SLC26A5: variants seen among roughly 807,000 people sequenced by gnomAD.
The protein encoded by SLC26A5 is prestin.
Under a neutral mutation model 81.0 loss-of-function variants are expected in SLC26A5, and 51 were observed. The observed-to-expected ratio is 0.63, with a 90% CI of 0.50 to 0.80. The LOEUF is 0.80. SLC26A5 is among the 30% of genes least tolerant of loss of function. SLC26A5 has a pLI of 0.00. For synonymous variants in SLC26A5, 325 were observed against 332.8 expected, an observed-to-expected ratio of 0.98 and a Z score of 0.25; for missense variants, 771 against 905.8, an observed-to-expected ratio of 0.85 and a Z score of 1.91.
chr7:103,407,372 A>G (rs1219524662), intron 8 of SLC26A5, among the ~76,000 whole-genome samples: 1 of 152,228 alleles, frequency 6.6e-6, no homozygotes, highest in East Asian at 1.9e-4. Context: ...TTTATAAACA[A>G]CTACGAAGTT....
At chr7:103,404,125 G>A (rs964677591) in intron 8 of SLC26A5, among the ~76,000 whole-genome samples, 1 of 152,108 alleles carries the variant, frequency 6.6e-6, no homozygotes, top group Admixed American at 6.5e-5. Flanking sequence ...GGAAGTTGCA[G>A]TGAACCGAGA....
chr7:103,433,993 G>A (rs1196310355), intron 2 of SLC26A5, among the ~76,000 whole-genome samples: 4 of 151,994 alleles, frequency 2.6e-5, no homozygotes, highest in Admixed American at 1.3e-4. Context: ...GAGCCACTGC[G>A]CCTGGCCTGT....
At chr7:103,425,496 C>T (rs1205950684) in intron 2 of SLC26A5, among the ~76,000 whole-genome samples, 3 of 151,872 alleles carry the variant, frequency 2.0e-5, no homozygotes, top group Admixed American at 2.0e-4. Flanking sequence ...ATGAAAAATA[C>T]ATAAGAAAAA....
At chr7:103,393,172 A>G (rs1822812603) in intron 9 of SLC26A5, 106 bp from the exon 10 acceptor site, 1 of 1,341,532 alleles carries the variant, frequency 7.5e-7, no homozygotes, top group East Asian at 2.5e-5. Flanking sequence ...CTGCAAATGA[A>G]GTAATCAATG....
chr7:103,369,331 G>C (rs1488063808), downstream of SLC26A5: 1 of 151,822 alleles, frequency 6.6e-6, no homozygotes, highest in Non-Finnish European at 1.5e-5. Context: ...ATATACTTAA[G>C]AAAATGACTG....
chr7:103,377,342 A>G (rs1821426927), intron 18 of SLC26A5, among the ~76,000 whole-genome samples: 1 of 152,198 alleles, frequency 6.6e-6, no homozygotes, highest in Admixed American at 6.5e-5. Flanking sequence ...TGTGTTTCAA[A>G]ATAAAACAAG....
At position 103,397,824 on chromosome 7, in the gene SLC26A5, G is replaced by A. The variant is rs576394013; in HGVS notation, c.971+108C>T. ...CCCCTAAAGCCCTCAGCTATTTGAT[G>A]TATAGAAAAAAGATTATTTTTCATT... On this transcript the variant is annotated intron_variant, in intron 9 of 19. Transcript: ENST00000306312. The A allele has an allele frequency of 6.4e-5, 53 of 833,182 alleles. No individual in the cohort carries two copies. In the African/African-American group the frequency reaches 6.7e-4, roughly 11 times the overall value. 51.6% of individuals were successfully genotyped at this position (833,182 alleles called of 1,614,324 possible).
chr7:103,410,046 T>C (rs1317771797), intron 7 of SLC26A5, among the ~76,000 whole-genome samples: 1 of 152,194 alleles, frequency 6.6e-6, no homozygotes, highest in Non-Finnish European at 1.5e-5. Context: ...TCTACCTTCA[T>C]GCCTTTAAAT....
intron 14 of SLC26A5, among the ~76,000 whole-genome samples, chr7:103,382,503 C>T (rs1206512584): frequency 6.6e-6 from 1 of 151,940 alleles, no homozygotes; most frequent in East Asian, 1.9e-4. Flanking sequence ...TTGTGCGCCA[C>T]CATGCCCAGC....
intron 19 of SLC26A5, among the ~76,000 whole-genome samples, chr7:103,355,979 C>T (rs1297372346): frequency 6.6e-6 from 1 of 152,066 alleles, no homozygotes; most frequent in Non-Finnish European, 1.5e-5. Context: ...TATATGAAGG[C>T]ATAATCATTT....
intron 12 of SLC26A5, among the ~76,000 whole-genome samples, chr7:103,389,921 C>T (rs540406643): frequency 6.6e-5 from 10 of 152,194 alleles, no homozygotes; most frequent in African/African-American, 2.2e-4. Flanking sequence ...CCACCACACC[C>T]GGCTGGAAAT....
intron 19 of SLC26A5, among the ~76,000 whole-genome samples, chr7:103,356,340 G>T (rs1270512902): frequency 6.6e-6 from 1 of 152,144 alleles, no homozygotes; most frequent in Admixed American, 6.5e-5. Context: ...ATGTTTCTCA[G>T]TGTATGTGCA....
chr7:103,366,046 T>C (rs1220773195), intron 19 of SLC26A5: 7 of 1,556,468 alleles, frequency 4.5e-6, no homozygotes, highest in Non-Finnish European at 6.1e-6. Context: ...TGAAACCAAT[T>C]TTGAATTAAT....
At chr7:103,400,418 G>GT (rs1231661669) in intron 8 of SLC26A5, among the ~76,000 whole-genome samples, 1 of 152,092 alleles carries the variant, frequency 6.6e-6, no homozygotes, top group African/African-American at 2.4e-5. Flanking sequence ...TCATAGGGTT[G>GT]TTTTTTTCTT....
At chr7:103,420,591 C>G in intron 4 of SLC26A5, 147 bp downstream of exon 4, 8 of 1,140,320 alleles carry the variant, frequency 7.0e-6, no homozygotes, top group Non-Finnish European at 8.8e-6. Context: ...TTAAGGATTA[C>G]ATGTTTCTGA....
At position 103,420,395 on chromosome 7, in the gene SLC26A5, A is replaced by T. The variant is rs746691105; in HGVS notation, c.292+343T>A. 3.3e-5 allele frequency among the ~76,000 whole-genome samples: 5 copies of T among 150,414 alleles called. No homozygotes were observed. The Admixed American group carries it at 3.3e-4, about 10-fold the overall frequency. On this transcript the variant is annotated intron_variant, in intron 4 of 19. Transcript: ENST00000306312. ...ATTACAGCCTTGAACTTTGGGGCTCAAATGATCCTCCTATGTCAGCCTCTT... is the reference window on the plus strand; with the variant it reads ...ATTACAGCCTTGAACTTTGGGGCTCTAATGATCCTCCTATGTCAGCCTCTT...
At chr7:103,428,478 T>C (rs1355680882) in intron 2 of SLC26A5, among the ~76,000 whole-genome samples, 1 of 152,004 alleles carries the variant, frequency 6.6e-6, no homozygotes, top group South Asian at 2.1e-4. Context: ...CATAAATATA[T>C]CCATCACCTC....
intron 2 of SLC26A5, among the ~76,000 whole-genome samples, chr7:103,435,693 T>A (rs892963732): frequency 6.6e-6 from 1 of 152,220 alleles, no homozygotes; most frequent in African/African-American, 2.4e-5. Context: ...TGCTCATGCA[T>A]GCTCCCCATT....
At position 103,367,768 on chromosome 7, in the gene SLC26A5, T is replaced by G; in HGVS notation, c.2041+9040A>C. ...CGTTCAATGAGTGTTGAAAGAGATA[T>G]CAGATTTGAACTGTTAGCACGACTG... On this transcript the variant is annotated intron_variant, in intron 19 of 19. Coordinates refer to the SLC26A5 transcript ENST00000339444. The surrounding 1 kb of genome is among the most constrained non-coding windows in gnomAD (Gnocchi z 6.1). 1.2e-6 allele frequency: 2 copies of G among 1,614,084 alleles called. No individual in the cohort carries two copies. The highest frequency in any genetic ancestry group is 1.7e-6 in the Non-Finnish European group (2 of 1,179,966).
Sources: allele counts gnomAD v4.1 joint callset (sites outside exome capture counted in the v4.1 genomes callset), GRCh38; gene constraint gnomAD v4.1.1; non-coding constraint Gnocchi (gnomAD v3.1); transcripts MANE v1.5; gene names NCBI Gene and HGNC (gene_info 2026-07-23, HGNC 2026-07-21).